The following VPS13B variants were observed in gnomAD, a reference collection of about 807,000 sequenced individuals.
VPS13B encodes vacuolar protein sorting 13 homolog B, also known as intermembrane lipid transfer protein VPS13B.
VPS13B carries 285 observed loss-of-function variants against 426.4 expected under a neutral mutation model. That is an observed-to-expected ratio of 0.67 (90% CI 0.61 to 0.74). VPS13B has a LOEUF of 0.74. VPS13B is among the 30% of genes least tolerant of loss of function. The pLI is 0.00. For missense variants in VPS13B, 4,537 were observed against 4,782.6 expected, an observed-to-expected ratio of 0.95 and a Z score of 1.51; for synonymous variants, 1,676 against 1,676.4, an observed-to-expected ratio of 1.00 and a Z score of 0.01.
chr8:99,803,763 T>C (rs1326427212), intron 43 of VPS13B, among the ~76,000 whole-genome samples: 1 of 152,242 alleles, frequency 6.6e-6, no homozygotes, highest in Non-Finnish European at 1.5e-5. Flanking sequence ...AATTTAGTAG[T>C]GTGGAATGTA....
chr8:99,276,185 C>T lies in VPS13B; in HGVS notation c.2824+931C>T, dbSNP rs192787148. On this transcript the variant is annotated intron_variant, in intron 19 of 61. Coordinates refer to ENST00000357162, the MANE Select transcript of VPS13B (RefSeq NM_152564.5). The stretch of plus-strand genomic sequence containing the variant: ...AAAGCAGTGCACAAATGAATATATA[C>T]AGGGACACAAAACATTTGAAAGATG... 1.1e-4 allele frequency among the ~76,000 whole-genome samples: 17 copies of T among 152,184 alleles called. 1 individual carries two copies. Among genetic ancestry groups the T allele is most frequent in the Non-Finnish European group, 1.5e-5 (1 of 67,976 alleles).
At chr8:99,276,978 G>C (rs1483577364) in intron 19 of VPS13B, among the ~76,000 whole-genome samples, 1 of 152,004 alleles carries the variant, frequency 6.6e-6, no homozygotes, top group South Asian at 2.1e-4. Context: ...TAAATAATCT[G>C]TTCTTCAACA....
intron 17 of VPS13B, among the ~76,000 whole-genome samples, chr8:99,196,593 A>C (rs1813948833): frequency 6.6e-6 from 1 of 150,402 alleles, no homozygotes; most frequent in Admixed American, 6.7e-5. Context: ...GCACGTCACC[A>C]CACCTGGGTA....
intron 23 of VPS13B, among the ~76,000 whole-genome samples, chr8:99,449,510 C>T (rs1275157477): frequency 1.3e-5 from 2 of 151,962 alleles, no homozygotes; most frequent in East Asian, 3.9e-4. Flanking sequence ...TATCCGAAGT[C>T]ATTTATAGAG....
intron 23 of VPS13B, among the ~76,000 whole-genome samples, chr8:99,458,984 A>G (rs1330262526): frequency 2.6e-5 from 4 of 152,118 alleles, no homozygotes; most frequent in African/African-American, 9.7e-5. Context: ...TTAGTCATGA[A>G]GTCCTTGCCC....
chr8:99,288,368 TA>T (rs1398913170), intron 19 of VPS13B, among the ~76,000 whole-genome samples: 1 of 152,068 alleles, frequency 6.6e-6, no homozygotes, highest in Non-Finnish European at 1.5e-5. Flanking sequence ...TAATAGATAT[TA>T]AAAAATATTT....
At chr8:99,649,391 T>A (rs1387998453) in intron 34 of VPS13B, among the ~76,000 whole-genome samples, 1 of 152,170 alleles carries the variant, frequency 6.6e-6, no homozygotes, top group African/African-American at 2.4e-5. Context: ...CCTACAAATC[T>A]CTAAGACTCT....
At chr8:99,104,828 T>A (rs1460641177) in intron 5 of VPS13B, among the ~76,000 whole-genome samples, 3 of 152,176 alleles carry the variant, frequency 2.0e-5, no homozygotes, top group Admixed American at 2.0e-4. Flanking sequence ...TTTTGCCCTG[T>A]TGCCCAGGCT....
chr8:99,219,228 T>A (rs1481789141), intron 17 of VPS13B, among the ~76,000 whole-genome samples: 1 of 152,238 alleles, frequency 6.6e-6, no homozygotes, highest in Non-Finnish European at 1.5e-5. Context: ...GCCAGAATTA[T>A]GAGAATGGCC....
At chr8:99,752,921 C>A (rs576762169) in intron 39 of VPS13B, among the ~76,000 whole-genome samples, 3 of 152,234 alleles carry the variant, frequency 2.0e-5, no homozygotes, top group African/African-American at 7.2e-5. Flanking sequence ...TTTTTGAAAA[C>A]CATGACCGTC....
At chr8:99,233,786 C>G in intron 17 of VPS13B, 1 of 779,246 alleles carries the variant, frequency 1.3e-6, no homozygotes, top group East Asian at 2.4e-5. Context: ...AATCAGTCTT[C>G]CAAACAAGCC....
At chr8:99,803,580 G>A (rs556429677) in intron 43 of VPS13B, among the ~76,000 whole-genome samples, 1 of 152,136 alleles carries the variant, frequency 6.6e-6, no homozygotes, top group African/African-American at 2.4e-5. Flanking sequence ...GGATATGCAG[G>A]GCCCTCAGAA....
chr8:99,732,277 C>A (rs927942540), intron 39 of VPS13B, among the ~76,000 whole-genome samples: 1 of 152,142 alleles, frequency 6.6e-6, no homozygotes, highest in African/African-American at 2.4e-5. Flanking sequence ...TCATGAGGAC[C>A]CATCTTCCTG....
At chr8:99,057,584 A>T (rs542885800) in intron 3 of VPS13B, among the ~76,000 whole-genome samples, 2 of 152,096 alleles carry the variant, frequency 1.3e-5, no homozygotes, top group Non-Finnish European at 2.9e-5. Flanking sequence ...TTATCATTAT[A>T]TATTTTTTAC....
At chr8:99,858,038 C>G (rs995113312) in intron 56 of VPS13B, among the ~76,000 whole-genome samples, 3 of 152,214 alleles carry the variant, frequency 2.0e-5, no homozygotes, top group Non-Finnish European at 4.4e-5. Context: ...CCTTCCTGAT[C>G]CCCTCAGATC....
At chr8:99,632,483 G>A (rs1017450360) in intron 33 of VPS13B, among the ~76,000 whole-genome samples, 26 of 152,042 alleles carry the variant, frequency 1.7e-4, no homozygotes, top group African/African-American at 4.8e-4. Flanking sequence ...ATTTACTGGT[G>A]CTATGGGGCT....
chr8:99,080,445 A>G (rs1277376234), intron 3 of VPS13B, among the ~76,000 whole-genome samples: 1 of 152,018 alleles, frequency 6.6e-6, no homozygotes, highest in African/African-American at 2.4e-5. Context: ...AAGGTATGGC[A>G]CTTTATATGT....
At chr8:99,329,997 A>G (rs758621341) in intron 19 of VPS13B, among the ~76,000 whole-genome samples, 8 of 152,034 alleles carry the variant, frequency 5.3e-5, no homozygotes, top group Admixed American at 2.0e-4. Context: ...TATATTTCCT[A>G]TGGGTGATGA....
At chr8:99,319,234 A>G (rs1197501861) in intron 19 of VPS13B, among the ~76,000 whole-genome samples, 1 of 152,190 alleles carries the variant, frequency 6.6e-6, no homozygotes, top group Non-Finnish European at 1.5e-5. Flanking sequence ...GCCTGTGTAT[A>G]TGTGTTGCAT....
Sources: gnomAD v4.1 joint callset for allele counts (sites outside exome capture counted in the v4.1 genomes callset) on GRCh38, gnomAD v4.1.1 for gene constraint, MANE v1.5 for transcripts, NCBI Gene and HGNC (gene_info 2026-07-23, HGNC 2026-07-21) for gene names.